Variants in PEX5 observed in about 807,000 individuals in gnomAD.
PEX5 encodes PTS1 receptor.
A neutral mutation model predicts 82.9 loss-of-function variants in PEX5; 52 were observed. The observed-to-expected ratio is 0.63, with a 90% CI of 0.50 to 0.79. The LOEUF (loss-of-function observed/expected upper bound fraction) is 0.79. Among genes scored for constraint, PEX5 ranks in the 30% least tolerant of loss-of-function variants. The pLI, the probability that PEX5 is intolerant of heterozygous loss-of-function variation, is 0.00. For missense variants in PEX5, 719 were observed against 815.2 expected, an observed-to-expected ratio of 0.88 and a Z score of 1.44; for synonymous variants, 300 against 318.8, an observed-to-expected ratio of 0.94 and a Z score of 0.63.
chr12:7,213,891 C>T (rs759269429), downstream of PEX5, among the ~76,000 whole-genome samples: 1 of 151,898 alleles, frequency 6.6e-6, no homozygotes, highest in Admixed American at 6.5e-5. Flanking sequence ...AAAAAAACAA[C>T]CCCATCAAAA....
chr12:7,197,316 T>TATAATGTAATC (rs1357772166), intron 5 of PEX5, among the ~76,000 whole-genome samples: 4 of 61,666 alleles, frequency 6.5e-5, no homozygotes, highest in Non-Finnish European at 9.7e-5. Flanking sequence ...AATGTAATCA[T>TATAATGTAATC]ATGTCATATA....
At chr12:7,200,635 C>G (rs998218102) in intron 6 of PEX5, among the ~76,000 whole-genome samples, 2 of 152,188 alleles carry the variant, frequency 1.3e-5, no homozygotes, top group Admixed American at 6.5e-5. Context: ...CGTCTGCAAT[C>G]CCGGCACCTC....
At chr12:7,215,083 A>G (rs1945740692), downstream of PEX5, among the ~76,000 whole-genome samples, 1 of 152,218 alleles carries the variant, frequency 6.6e-6, no homozygotes, top group South Asian at 2.1e-4. Flanking sequence ...AAACTATTTT[A>G]TAAATGGACA....
intron 5 of PEX5, among the ~76,000 whole-genome samples, chr12:7,192,378 TAACTGTGATGCTATACTGTCAGGCCTGC>T (rs1269632878): frequency 1.3e-5 from 2 of 152,190 alleles, no homozygotes; most frequent in African/African-American, 4.8e-5. Context: ...CCTGTGGCCT[TAACTGTGATGCTATACTGTCAGGCCTGC>T]AATTTATCTT....
Position 7,197,075 on chromosome 12 carries a change from TTA to T in PEX5, c.449-1930_449-1929del, listed in dbSNP as rs1332602900. On this transcript the variant is annotated intron_variant, in intron 5 of 15. Transcript: ENST00000675855. ...ATTATATATGTCACATATAATGTAATTATATATGTCACATATAATGTAATTAT... is the reference window on the plus strand; with the variant it reads ...ATTATATATGTCACATATAATGTAATTATATGTCACATATAATGTAATTAT... 2.1e-4 allele frequency among the ~76,000 whole-genome samples: 10 copies of T among 47,522 alleles called. 4 individuals are homozygous for T. Among genetic ancestry groups the T allele is most frequent in the South Asian group, 2.2e-3 (2 of 910 alleles). 31.2% of individuals were successfully genotyped at this position (47,522 alleles called of 152,430 possible).
chr12:7,190,084 T>G (rs999497393), intron 1 of PEX5: 16 of 1,492,352 alleles, frequency 1.1e-5, no homozygotes, highest in Non-Finnish European at 1.4e-5. Flanking sequence ...GGCCCCTTTG[T>G]GGAGGCAGCT....
At chr12:7,197,679 G>A (rs1011992254) in intron 5 of PEX5, among the ~76,000 whole-genome samples, 4 of 151,618 alleles carry the variant, frequency 2.6e-5, no homozygotes, top group African/African-American at 9.7e-5. Context: ...ACATTATTCA[G>A]GCAAAGTTTC....
chr12:7,195,308 G>A (rs774683747), intron 5 of PEX5, among the ~76,000 whole-genome samples: 5 of 152,258 alleles, frequency 3.3e-5, no homozygotes, highest in Non-Finnish European at 5.9e-5. Flanking sequence ...CCCCTCTGTA[G>A]ACCTTAGTTG....
chr12:7,209,490 C>T (rs1446262384), intron 14 of PEX5, among the ~76,000 whole-genome samples, 193 bp from the exon 15 acceptor site: 1 of 47,694 alleles, frequency 2.1e-5, no homozygotes, highest in Non-Finnish European at 4.7e-5. Context: ...ATAAGAGAGT[C>T]TGCATAGGGT....
At chr12:7,189,814 GC>G in intron 1 of PEX5, 64 bp downstream of exon 1, 1 of 888,556 alleles carries the variant, frequency 1.1e-6, no homozygotes. Flanking sequence ...CCTTGCGGTG[GC>G]CTCGCGGGTC....
intron 14 of PEX5, among the ~76,000 whole-genome samples, 171 bp from the exon 15 acceptor site, chr12:7,209,512 C>T (rs932763458): frequency 7.6e-5 from 3 of 39,306 alleles, no homozygotes; most frequent in African/African-American, 2.6e-4. Flanking sequence ...AGAGGGGCTA[C>T]ATTGTAGCCA....
At chr12:7,211,969 G>GTT (rs371831157), downstream of PEX5, among the ~76,000 whole-genome samples, 5 of 140,046 alleles carry the variant, frequency 3.6e-5, no homozygotes, top group East Asian at 2.1e-4. Context: ...TTTTTTTTTT[G>GTT]TTTTTTTTTT....
At position 7,210,106 on chromosome 12, in the gene PEX5, G is replaced by A; in HGVS notation, c.1803G>A (p.Glu601=). Residue 601 remains glutamate (E), a synonymous_variant, in exon 16 of 16, where the codon GAG becomes GAA. Coordinates refer to ENST00000675855, the MANE Select transcript of PEX5 (RefSeq NM_001351132.2). Reference sequence around the variant, plus strand: ...GGGGTGAAGGAGGTGCCATGTCGGAGAACATCTGGAGCACCCTGCGTTTGG... The same window carrying A: ...GGGGTGAAGGAGGTGCCATGTCGGAAAACATCTGGAGCACCCTGCGTTTGG... ...GPRGEGGAMS[E]NIWSTLRLAL... The A allele has an allele frequency of 6.2e-7, 1 of 1,614,248 alleles. No homozygotes were observed.
At chr12:7,200,700 C>A (rs1263024991) in intron 6 of PEX5, among the ~76,000 whole-genome samples, 1 of 152,134 alleles carries the variant, frequency 6.6e-6, no homozygotes, top group Non-Finnish European at 1.5e-5. Flanking sequence ...CCAGCCCGGC[C>A]AACACAGCGA....
downstream of PEX5, among the ~76,000 whole-genome samples, chr12:7,214,242 C>T (rs200839261): frequency 6.6e-6 from 1 of 152,110 alleles, no homozygotes; most frequent in Non-Finnish European, 1.5e-5. Flanking sequence ...CAAAGGACTA[C>T]AAATCATGCT....
At chr12:7,193,241 T>C (rs1251422545) in intron 5 of PEX5, among the ~76,000 whole-genome samples, 2 of 151,118 alleles carry the variant, frequency 1.3e-5, no homozygotes, top group Non-Finnish European at 3.0e-5. Context: ...ATTCTTTTTT[T>C]TTTTTTTTTT....
Position 7,202,252 on chromosome 12 carries a change from C to G in PEX5, c.654C>G (p.Phe218Leu), listed in dbSNP as rs752935710. The change falls in exon 8 of 16, where the codon TTC (phenylalanine) becomes TTG (leucine). Residue 218 changes from phenylalanine (F) to leucine (L), a missense_variant. Phe to Leu is a conservative substitution (Grantham distance 22, BLOSUM62 0). Transcript: ENST00000675855. Reference sequence around the variant, plus strand: ...TCTCTGTGCCCCAGTTCCTGAAATTCGTGCGGCAGATTGGCGAAGGGCAGG... The same window carrying G: ...TCTCTGTGCCCCAGTTCCTGAAATTGGTGCGGCAGATTGGCGAAGGGCAGG... ...PKLANSEFLK[F>L]VRQIGEGQVS... 2.5e-6 allele frequency: 4 copies of G among 1,614,036 alleles called. No individual in the cohort carries two copies. In the East Asian group the frequency reaches 8.9e-5, roughly 36 times the overall value.
intron 1 of PEX5, chr12:7,190,049 C>T (rs1940682500): frequency 8.7e-6 from 13 of 1,502,514 alleles, no homozygotes; most frequent in Non-Finnish European, 1.1e-5. Flanking sequence ...GTTGTTGAAG[C>T]GTCCCCGTGG....
chr12:7,215,560 G>A (rs1345085694), downstream of PEX5, among the ~76,000 whole-genome samples: 2 of 152,168 alleles, frequency 1.3e-5, no homozygotes, highest in Non-Finnish European at 1.5e-5. Flanking sequence ...CTATGCATCC[G>A]CGAAAAAGAA....
Sources: gnomAD v4.1 joint callset for allele counts (sites outside exome capture counted in the v4.1 genomes callset) on GRCh38, gnomAD v4.1.1 for gene constraint, MANE v1.5 for transcripts, NCBI Gene and HGNC (gene_info 2026-07-23, HGNC 2026-07-21) for gene names.